Variants in RBBP4 observed in about 807,000 individuals in gnomAD.
RBBP4 encodes the protein RB binding protein 4, chromatin remodeling factor.
Under a neutral mutation model 57.2 loss-of-function variants are expected in RBBP4, and 3 were observed. The ratio of observed to expected loss-of-function variants is 0.05; its 90% CI spans 0.02 to 0.14. RBBP4 has a LOEUF of 0.14. Ranked by LOEUF, RBBP4 falls within the 10% of genes least tolerant of loss-of-function variation. The probability of loss-of-function intolerance (pLI) is 1.00; values close to 1 mark genes in which losing one functional copy is unlikely to be tolerated. For synonymous variants in RBBP4, 151 were observed against 171.5 expected (o/e 0.88, Z 0.93); for missense variants, 107 against 520.6 (o/e 0.21, Z 7.73).
chr1:32,680,515 T>C lies in RBBP4; in HGVS notation c.*810T>C. The C allele has an allele frequency of 6.5e-7, 1 of 1,540,138 alleles. No individual in the cohort carries two copies. Among genetic ancestry groups the C allele is most frequent in the Non-Finnish European group, 8.7e-7 (1 of 1,142,968 alleles). On this transcript the variant is annotated 3_prime_UTR_variant, in exon 12 of 12. Transcript: ENST00000373493. ...AATTAATCCTTGATAAGAGTTGCTT[T>C]TTTTTTTTAGGAGTTAGTCCTTGAC...
chr1:32,674,903 T>G (rs1281703404), intron 11 of RBBP4, among the ~76,000 whole-genome samples: 1 of 148,996 alleles, frequency 6.7e-6, no homozygotes, highest in African/African-American at 2.5e-5. Context: ...AGTTTTTTTG[T>G]TGTTGTTTTT....
chr1:32,672,028 C>T (rs568229306), intron 8 of RBBP4, among the ~76,000 whole-genome samples: 3 of 151,836 alleles, frequency 2.0e-5, no homozygotes, highest in Non-Finnish European at 2.9e-5. Context: ...TTGAGAGAGT[C>T]TGTCACCCAG....
intron 3 of RBBP4, among the ~76,000 whole-genome samples, chr1:32,661,869 A>AGTTT: frequency 1.9e-5 from 1 of 52,824 alleles, no homozygotes; most frequent in African/African-American, 8.4e-5. Flanking sequence ...TCCTTTGCCC[A>AGTTT]CTTTTTTTTT....
intron 1 of RBBP4, chr1:32,651,681 T>C (rs901153601): frequency 1.3e-6 from 1 of 747,728 alleles, no homozygotes; most frequent in East Asian, 2.8e-5. Context: ...ACGAGCGTGC[T>C]CCGAAGGCCT....
intron 3 of RBBP4, among the ~76,000 whole-genome samples, chr1:32,665,002 A>G (rs932246156): frequency 2.6e-5 from 4 of 152,216 alleles, no homozygotes; most frequent in African/African-American, 9.6e-5. Flanking sequence ...ATGCAGACAC[A>G]GAGGCACCAA....
chr1:32,651,255 C>T lies in RBBP4; in HGVS notation c.-52C>T, dbSNP rs1319528334. On this transcript the variant is annotated 5_prime_UTR_variant, in exon 1 of 12. Transcript: ENST00000373493. ...ACAGAGCGAGCTCTTGCAGCCTCCCCGCCCCTCCCGCAACGCTCGACCCCA... is the reference window on the plus strand; with the variant it reads ...ACAGAGCGAGCTCTTGCAGCCTCCCTGCCCCTCCCGCAACGCTCGACCCCA... The T allele has an allele frequency of 2.9e-5, 43 of 1,506,134 alleles. No homozygotes were observed. The highest frequency in any genetic ancestry group is 3.6e-5 in the Non-Finnish European group (41 of 1,127,590). The allele number at this position is 1,506,134 out of a possible 1,614,324, so 93.3% of individuals were successfully genotyped here.
In RBBP4 at chr1:32,669,461, C is replaced by T. The variant is rs771049493; in HGVS notation, c.889-25C>T. ...TTTTTTTTTCTTAAAAAATTGATTA[C>T]TCTTGCTTTTCTTTTTGTACATAGA... On this transcript the variant is annotated intron_variant, in intron 7 of 11. Transcript: ENST00000373493. The surrounding 1 kb of genome is among the most constrained non-coding windows in gnomAD (Gnocchi z 4.9). The T allele has an allele frequency of 5.7e-6, 9 of 1,572,430 alleles. No individual in the cohort carries two copies. The South Asian group carries it at 6.0e-5, about 10-fold the overall frequency.
chr1:32,659,175 A>T (rs1291083987), intron 3 of RBBP4, among the ~76,000 whole-genome samples: 2 of 149,534 alleles, frequency 1.3e-5, no homozygotes. Context: ...ACACACACAC[A>T]ATATAAATGT....
At chr1:32,672,619 T>C (rs1355833962) in intron 9 of RBBP4, 23 bp from the exon 10 acceptor site, 2 of 1,612,594 alleles carry the variant, frequency 1.2e-6, no homozygotes, top group Admixed American at 1.7e-5. Flanking sequence ...GTTTTAACTT[T>C]TAAAATTATG....
rs910094294 is a variant in RBBP4 at position 32,684,319 on chromosome 1, G to T, written c.*4614G>T. On this transcript the variant is annotated 3_prime_UTR_variant, in exon 12 of 12. Coordinates refer to ENST00000373493, the MANE Select transcript of RBBP4 (RefSeq NM_005610.3). ...AGCTGTTCCATCTCTTTGTTCTTCT[G>T]TTGCTGGAGTTGCACCCCATTTCTT... The T allele has an allele frequency of 1.2e-6, 2 of 1,614,118 alleles. No individual in the cohort carries two copies. The highest frequency in any genetic ancestry group is 2.7e-5 in the African/African-American group (2 of 75,022).
At chr1:32,672,955 A>AATTT in intron 11 of RBBP4, 54 bp downstream of exon 11, 1 of 1,364,296 alleles carries the variant, frequency 7.3e-7, no homozygotes, top group Non-Finnish European at 1.0e-6. Flanking sequence ...ACATAGAATC[A>AATTT]ATTTACATTT....
chr1:32,666,421 C>T (rs1418539882), intron 3 of RBBP4, among the ~76,000 whole-genome samples: 2 of 151,570 alleles, frequency 1.3e-5, no homozygotes, highest in African/African-American at 4.9e-5. Flanking sequence ...TGCAGTGGCA[C>T]GATCTCGGCT....
intron 1 of RBBP4, chr1:32,651,635 C>T (rs1277993886): frequency 6.6e-6 from 5 of 759,598 alleles, no homozygotes; most frequent in Non-Finnish European, 1.0e-5. Context: ...GCTCGGAGCT[C>T]GGGCCTCCTC....
chr1:32,673,159 T>G (rs1234898932), intron 11 of RBBP4, among the ~76,000 whole-genome samples: 3 of 152,196 alleles, frequency 2.0e-5, no homozygotes, highest in African/African-American at 7.2e-5. Flanking sequence ...CTTCTTTCTT[T>G]CTTTTTGTAT....
rs1649691665 is a variant in RBBP4 at position 32,684,629 on chromosome 1, T to C, written c.*4924T>C. On this transcript the variant is annotated 3_prime_UTR_variant, in exon 12 of 12. Coordinates refer to ENST00000373493, the MANE Select transcript of RBBP4 (RefSeq NM_005610.3). ...TTAACCACAGCTTGCTTTAATAGAATCCTGGGAGGGTGATTGGGACTTTTT... is the reference window on the plus strand; with the variant it reads ...TTAACCACAGCTTGCTTTAATAGAACCCTGGGAGGGTGATTGGGACTTTTT... The C allele has an allele frequency of 2.1e-6, 1 of 483,696 alleles. No homozygotes were observed. Among genetic ancestry groups the C allele is most frequent in the Non-Finnish European group, 3.7e-6 (1 of 273,032 alleles). The allele number at this position is 483,696 out of a possible 1,614,324, so 30.0% of individuals were successfully genotyped here.
chr1:32,652,091 A>G (rs772198196), intron 2 of RBBP4, 30 bp downstream of exon 2: 15 of 1,592,822 alleles, frequency 9.4e-6, no homozygotes, highest in Non-Finnish European at 1.3e-5. Context: ...CGTTATTTTG[A>G]TGTATTTTCA....
Position 32,669,668 on chromosome 1 carries a change from A to G in RBBP4, c.966+105A>G. 1.4e-6 allele frequency: 2 copies of G among 1,446,156 alleles called. No individual in the cohort carries two copies. Among genetic ancestry groups the G allele is most frequent in the African/African-American group, 2.9e-5 (2 of 69,760 alleles). 89.6% of individuals were successfully genotyped at this position (1,446,156 alleles called of 1,614,324 possible). ...CACTTTGGGAGGCTGAAGCGGGCGG[A>G]TCACAAGGTCAGGAGATCGAGACCA... On this transcript the variant is annotated intron_variant, in intron 8 of 11. Transcript: ENST00000373493. The surrounding 1 kb of genome is among the most constrained non-coding windows in gnomAD (Gnocchi z 4.9).
chr1:32,677,061 G>C (rs1649133113), intron 11 of RBBP4, among the ~76,000 whole-genome samples: 1 of 152,138 alleles, frequency 6.6e-6, no homozygotes, highest in Non-Finnish European at 1.5e-5. Context: ...GTAAATATTT[G>C]GTCTTTGTCC....
rs766266642 is a variant in RBBP4 at position 32,684,460 on chromosome 1, CTT to C, written c.*4760_*4761del. On this transcript the variant is annotated 3_prime_UTR_variant, in exon 12 of 12. Transcript: ENST00000373493. Reference sequence around the variant, plus strand: ...ATTGTCCACTCTTACTTATAAAACACTTTTTTGTTCATTGTTTAATCTTGATA... The same window carrying C: ...ATTGTCCACTCTTACTTATAAAACACTTTTGTTCATTGTTTAATCTTGATA... 572 of 1,593,814 alleles carry C rather than the reference CTT, an allele frequency of 3.6e-4. 3 individuals carry two copies. The highest frequency in any genetic ancestry group is 1.7e-3 in the South Asian group (155 of 89,116).
Sources: gnomAD v4.1 joint callset for allele counts (sites outside exome capture counted in the v4.1 genomes callset) on GRCh38, gnomAD v4.1.1 for gene constraint, Gnocchi (gnomAD v3.1) non-coding constraint, MANE v1.5 for transcripts, NCBI Gene and HGNC (gene_info 2026-07-23, HGNC 2026-07-21) for gene names.